The following SUCLG2 variants were observed in gnomAD, a reference collection of about 807,000 sequenced individuals.
The protein encoded by SUCLG2 is succinate-CoA ligase GDP-forming subunit beta.
A neutral mutation model predicts 47.9 loss-of-function variants in SUCLG2; 42 were observed. The observed-to-expected ratio is 0.88, with a 90% CI of 0.69 to 1.14. The LOEUF (loss-of-function observed/expected upper bound fraction) is 1.14. Ranked by LOEUF, SUCLG2 falls within the 50% of genes most tolerant of loss-of-function variation. The pLI is 0.00. For synonymous variants in SUCLG2, 195 were observed against 197.3 expected, an observed-to-expected ratio of 0.99 and a Z score of 0.10; for missense variants, 571 against 525.9, an observed-to-expected ratio of 1.09 and a Z score of -0.84.
chr3:67,609,556 T>G lies in SUCLG2; in HGVS notation c.125A>C (p.Glu42Ala). The G allele has an allele frequency of 6.2e-7, 1 of 1,613,932 alleles. No individual in the cohort carries two copies. Among genetic ancestry groups the G allele is most frequent in the Non-Finnish European group, 8.5e-7 (1 of 1,179,912 alleles). The change falls in exon 2 of 11, where the codon GAA becomes GCA. Residue 42 changes from glutamate (E) to alanine (A), a missense_variant. Glu to Ala is a moderately radical substitution (Grantham distance 107). Transcript: ENST00000307227. ...AGACATCAGTTTCTTGCTCTGGTAT[T>G]CCTGCAGGTTCAGCCATCTTCTGGA... ...LTSRRWLNLQ[E>A]YQSKKLMSDN...
intron 9 of SUCLG2, among the ~76,000 whole-genome samples, chr3:67,488,109 GTA>G (rs771189675): frequency 7.9e-5 from 12 of 151,216 alleles, no homozygotes; most frequent in African/African-American, 2.4e-4. Context: ...ACTAGTGTGT[GTA>G]TATATATATA....
At chr3:67,548,001 T>C (rs945914615) in intron 2 of SUCLG2, among the ~76,000 whole-genome samples, 6 of 152,310 alleles carry the variant, frequency 3.9e-5, no homozygotes, top group East Asian at 1.9e-4. Flanking sequence ...ACCAGGCACA[T>C]AGCAGGCCCT....
rs755245399 is a variant in SUCLG2, at chr3:67,508,817, T to C, written c.747A>G (p.Pro249=). The C allele has an allele frequency of 6.3e-7, 1 of 1,599,566 alleles. No homozygotes were observed. Among genetic ancestry groups the C allele is most frequent in the East Asian group, 2.2e-5 (1 of 44,724 alleles). The change falls in exon 7 of 11, where the codon CCA becomes CCG. Residue 249 remains proline, a synonymous_variant. Transcript: ENST00000307227. The part of the protein sequence containing the change: ...QVEVNPFGET[P]EGQVVCFDAK... ...CTTTTTTTTTTTTACCTTGTCCTTC[T>C]GGAGTTTCACCAAAGGGATTCACTT...
intron 9 of SUCLG2, among the ~76,000 whole-genome samples, chr3:67,426,893 C>T (rs1444161835): frequency 6.6e-6 from 1 of 152,072 alleles, no homozygotes; most frequent in African/African-American, 2.4e-5. Context: ...TGCCACTGCA[C>T]TCCAACCTGG....
intron 10 of SUCLG2, among the ~76,000 whole-genome samples, chr3:67,386,959 TTC>T (rs1702273378): frequency 6.6e-6 from 1 of 152,202 alleles, no homozygotes; most frequent in South Asian, 2.1e-4. Context: ...GCCTGTGTTG[TTC>T]TCTGTGCTTG....
intron 2 of SUCLG2, among the ~76,000 whole-genome samples, chr3:67,588,334 T>C (rs995912030): frequency 2.2e-4 from 33 of 152,344 alleles, no homozygotes; most frequent in African/African-American, 7.5e-4. Context: ...TACTCTAATA[T>C]GCTATTTAAT....
chr3:67,599,205 C>T (rs1341837920), intron 2 of SUCLG2, among the ~76,000 whole-genome samples: 1 of 152,158 alleles, frequency 6.6e-6, no homozygotes, highest in East Asian at 1.9e-4. Flanking sequence ...GTGAAGCTAT[C>T]GTGGAGCAAA....
chr3:67,434,903 G>C (rs1426090211), intron 9 of SUCLG2, among the ~76,000 whole-genome samples: 2 of 152,288 alleles, frequency 1.3e-5, no homozygotes, highest in East Asian at 3.9e-4. Context: ...GTTCTTAAAT[G>C]TGCATTCTTT....
intron 9 of SUCLG2, among the ~76,000 whole-genome samples, chr3:67,495,426 G>T (rs1048415981): frequency 6.6e-6 from 1 of 152,014 alleles, no homozygotes; most frequent in East Asian, 1.9e-4. Context: ...AGGCCTAGGC[G>T]GGCAGACCAC....
chr3:67,503,578 G>A (rs1705558226), intron 7 of SUCLG2, among the ~76,000 whole-genome samples: 1 of 152,138 alleles, frequency 6.6e-6, no homozygotes, highest in South Asian at 2.1e-4. Context: ...CATTTTCAGA[G>A]GTGCTGAGCT....
At chr3:67,439,172 T>A (rs183682726) in intron 9 of SUCLG2, among the ~76,000 whole-genome samples, 113 of 152,330 alleles carry the variant, frequency 7.4e-4, no homozygotes, top group African/African-American at 2.6e-3. Context: ...AAAAGACCTT[T>A]GATAAAATTC....
intron 1 of SUCLG2, among the ~76,000 whole-genome samples, chr3:67,616,324 G>A (rs1700628019): frequency 6.6e-6 from 1 of 151,996 alleles, no homozygotes; most frequent in African/African-American, 2.4e-5. Flanking sequence ...TATTCTACAA[G>A]GCACAAGACT....
chr3:67,601,496 T>C (rs1708417243), intron 2 of SUCLG2, among the ~76,000 whole-genome samples: 1 of 152,116 alleles, frequency 6.6e-6, no homozygotes, highest in South Asian at 2.1e-4. Flanking sequence ...TTACCCTAGG[T>C]AAAGTTTTTC....
chr3:67,626,093 C>T lies in SUCLG2; in HGVS notation c.85-16497G>A, dbSNP rs539704259. Among the ~76,000 whole-genome samples the T allele has an allele frequency of 5.3e-5, 8 of 151,688 alleles. No homozygotes were observed. The East Asian group carries it at 1.6e-3, about 30-fold the overall frequency. Reference sequence around the variant, plus strand: ...GGAGTGCAGTGGCGCCATCTCAGCTCACTGCAAGCTCCGCCTCCCGGGTTC... The same window carrying T: ...GGAGTGCAGTGGCGCCATCTCAGCTTACTGCAAGCTCCGCCTCCCGGGTTC... On this transcript the variant is annotated intron_variant, in intron 1 of 10. Transcript: ENST00000307227.
At chr3:67,419,727 A>G (rs762830249) in intron 9 of SUCLG2, among the ~76,000 whole-genome samples, 1 of 152,184 alleles carries the variant, frequency 6.6e-6, no homozygotes, top group African/African-American at 2.4e-5. Context: ...TCAAACTATT[A>G]TGATTTACAA....
chr3:67,647,813 T>C (rs1701217896), intron 1 of SUCLG2, among the ~76,000 whole-genome samples: 1 of 152,210 alleles, frequency 6.6e-6, no homozygotes, highest in African/African-American at 2.4e-5. Flanking sequence ...TTCACCCCTC[T>C]GAGCCTCAGA....
At chr3:67,430,106 G>C (rs1329638414) in intron 9 of SUCLG2, among the ~76,000 whole-genome samples, 1 of 152,124 alleles carries the variant, frequency 6.6e-6, no homozygotes, top group Non-Finnish European at 1.5e-5. Flanking sequence ...GGACCTAATA[G>C]ACATCTACAG....
downstream of SUCLG2, among the ~76,000 whole-genome samples, chr3:67,373,578 C>T (rs148217039): frequency 0.012 from 1,857 of 152,060 alleles, 39 homozygotes; most frequent in African/African-American, 0.042. Context: ...TAGAAGACCA[C>T]AAAAATTATT....
Position 67,523,882 on chromosome 3 carries a change from G to A in SUCLG2, c.418-3248C>T, listed in dbSNP as rs139142583. ...ACAAAATTATAACTTTTTAGGATAA[G>A]TGTCATTCAAGAGTCCTATTCTTAA... On this transcript the variant is annotated intron_variant, in intron 4 of 10. Transcript: ENST00000307227. 5.9e-3 allele frequency among the ~76,000 whole-genome samples: 891 copies of A among 152,240 alleles called. 7 individuals are homozygous for A. Among genetic ancestry groups the A allele is most frequent in the African/African-American group, 0.02 (810 of 41,538 alleles).
Sources: gnomAD v4.1 joint callset for allele counts (sites outside exome capture counted in the v4.1 genomes callset) on GRCh38, gnomAD v4.1.1 for gene constraint, MANE v1.5 for transcripts, NCBI Gene and HGNC (gene_info 2026-07-23, HGNC 2026-07-21) for gene names.